The following PHLDB2 variants were observed in gnomAD, a reference collection of about 807,000 sequenced individuals.
The protein encoded by PHLDB2 is pleckstrin homology like domain family B member 2.
Under a neutral mutation model 123.6 loss-of-function variants are expected in PHLDB2, and 71 were observed. That is an observed-to-expected ratio of 0.57 (90% CI 0.47 to 0.70). The LOEUF is 0.70. Among genes scored for constraint, PHLDB2 ranks in the 30% least tolerant of loss-of-function variants. The probability of loss-of-function intolerance (pLI) is 0.00; values close to 1 mark genes in which losing one functional copy is unlikely to be tolerated. For missense variants in PHLDB2, 1,446 were observed against 1,519.5 expected, an observed-to-expected ratio of 0.95 and a Z score of 0.80; for synonymous variants, 547 against 541.6, an observed-to-expected ratio of 1.01 and a Z score of -0.14.
intron 1 of PHLDB2, among the ~76,000 whole-genome samples, chr3:111,734,813 G>A (rs6771062): frequency 0.05 from 7,592 of 152,274 alleles, 288 homozygotes; most frequent in Non-Finnish European, 0.078. Flanking sequence ...AGCATAAATT[G>A]GAGGGTCACT....
intron 12 of PHLDB2, chr3:111,958,738 A>G: frequency 2.2e-6 from 1 of 455,936 alleles, no homozygotes; most frequent in Non-Finnish European, 4.4e-6. Context: ...TTACTGTTTT[A>G]GTTGCTTTCC....
intron 2 of PHLDB2, among the ~76,000 whole-genome samples, chr3:111,897,666 A>T (rs548598324): frequency 1.3e-5 from 2 of 152,244 alleles, no homozygotes; most frequent in Admixed American, 1.3e-4. Context: ...AAGAGGAACA[A>T]ATTTCTCATA....
intron 1 of PHLDB2, among the ~76,000 whole-genome samples, chr3:111,734,405 C>G (rs1025389979): frequency 2.0e-5 from 3 of 152,112 alleles, no homozygotes; most frequent in African/African-American, 7.2e-5. Context: ...AAGTGAGCCT[C>G]TGTCTCTACA....
chr3:111,919,945 A>AGAAT (rs1440536284), intron 4 of PHLDB2, among the ~76,000 whole-genome samples: 1 of 151,624 alleles, frequency 6.6e-6, no homozygotes, highest in African/African-American at 2.4e-5. Context: ...CTAGGGACAA[A>AGAAT]GAAAGACGTG....
chr3:111,829,621 G>A (rs538573976), intron 1 of PHLDB2, among the ~76,000 whole-genome samples: 5 of 151,536 alleles, frequency 3.3e-5, no homozygotes, highest in South Asian at 2.1e-4. Context: ...ATGCCACCAC[G>A]CCCAGCTAAT....
Position 111,887,627 on chromosome 3 carries a change from AT to A in PHLDB2, c.1335+2216del, listed in dbSNP as rs140879957. Among the ~76,000 whole-genome samples the A allele has an allele frequency of 9.3e-4, 141 of 152,330 alleles. 1 individual carries two copies. Among genetic ancestry groups the A allele is most frequent in the African/African-American group, 3.3e-3 (139 of 41,584 alleles). ...GCCAAAGGGTTTTCCCCCTGAAAAAATAAAACATTAAAAATAATACTAGTAA... is the reference window on the plus strand; with the variant it reads ...GCCAAAGGGTTTTCCCCCTGAAAAAAAAAACATTAAAAATAATACTAGTAA... On this transcript the variant is annotated intron_variant, in intron 2 of 17. Transcript: ENST00000431670.
chr3:111,829,867 GTTTTTTTTA>G (rs1235886107), intron 1 of PHLDB2, among the ~76,000 whole-genome samples: 1 of 144,136 alleles, frequency 6.9e-6, no homozygotes, highest in Non-Finnish European at 1.5e-5. Context: ...ACTTTTTTTT[GTTTTTTTTA>G]TTTCATATCA....
intron 2 of PHLDB2, among the ~76,000 whole-genome samples, chr3:111,910,919 T>C (rs2107495789): frequency 6.6e-6 from 1 of 152,354 alleles, no homozygotes; most frequent in South Asian, 2.1e-4. Context: ...CAGTGCTGCA[T>C]GTGTCAGTGA....
At chr3:111,899,439 C>G (rs1229345189) in intron 2 of PHLDB2, among the ~76,000 whole-genome samples, 1 of 152,070 alleles carries the variant, frequency 6.6e-6, no homozygotes, top group Admixed American at 6.6e-5. Context: ...TTCCCCCAAG[C>G]AGTAATATTT....
intron 1 of PHLDB2, among the ~76,000 whole-genome samples, chr3:111,759,873 A>G (rs2059964534): frequency 6.6e-6 from 1 of 152,206 alleles, no homozygotes; most frequent in African/African-American, 2.4e-5. Context: ...GTGACAATCA[A>G]GAGTTCGTTG....
Position 111,839,276 on chromosome 3 carries a change from A to G in PHLDB2, c.-48-6545A>G, listed in dbSNP as rs565342782. On this transcript the variant is annotated intron_variant, in intron 1 of 17. Coordinates refer to the PHLDB2 transcript ENST00000393923. ...TAGATTGCATTCTATAAAGAATATT[A>G]TTGGGATAATTAACTAACTTGAACA... Among the ~76,000 whole-genome samples, 8 of 152,322 alleles carry G rather than the reference A, an allele frequency of 5.3e-5. No homozygotes were observed. The South Asian group carries it at 1.7e-3, about 32-fold the overall frequency.
intron 13 of PHLDB2, 74 bp downstream of exon 13, chr3:111,962,386 T>C (rs556931728): frequency 6.8e-7 from 1 of 1,461,188 alleles, no homozygotes; most frequent in South Asian, 1.3e-5. Flanking sequence ...AGCCATCAAT[T>C]TGGGAACTGT....
chr3:111,944,830 G>A (rs953313080), intron 8 of PHLDB2, among the ~76,000 whole-genome samples: 6 of 151,880 alleles, frequency 4.0e-5, no homozygotes, highest in African/African-American at 1.5e-4. Context: ...CTGCCACCAC[G>A]CCTGGCTAAT....
chr3:111,809,052 T>A (rs2061719575), intron 1 of PHLDB2, among the ~76,000 whole-genome samples: 1 of 152,232 alleles, frequency 6.6e-6, no homozygotes, highest in Non-Finnish European at 1.5e-5. Flanking sequence ...CAGAAGGAAC[T>A]GACTGCTGTC....
chr3:111,820,232 A>G (rs1019390812), intron 1 of PHLDB2, among the ~76,000 whole-genome samples: 2 of 152,214 alleles, frequency 1.3e-5, no homozygotes, highest in Non-Finnish European at 2.9e-5. Flanking sequence ...ATTGACAGAG[A>G]TGGTCTAGAG....
intron 1 of PHLDB2, among the ~76,000 whole-genome samples, chr3:111,839,135 G>A (rs2063552709): frequency 6.6e-6 from 1 of 152,254 alleles, no homozygotes; most frequent in Non-Finnish European, 1.5e-5. Flanking sequence ...CTGAGAGGGT[G>A]CAAGTGAGGA....
At chr3:111,784,716 T>C (rs1481518621) in intron 1 of PHLDB2, among the ~76,000 whole-genome samples, 1 of 152,148 alleles carries the variant, frequency 6.6e-6, no homozygotes, top group African/African-American at 2.4e-5. Flanking sequence ...AGCACACATA[T>C]GCAATATACA....
intron 2 of PHLDB2, chr3:111,911,725 G>A (rs1261390096): frequency 1.3e-6 from 2 of 1,535,630 alleles, no homozygotes; most frequent in Admixed American, 3.9e-5. Flanking sequence ...TGAAAGGGAG[G>A]TGCGAGCTTG....
At chr3:111,960,881 C>G (rs764800602) in intron 12 of PHLDB2, among the ~76,000 whole-genome samples, 39 of 152,260 alleles carry the variant, frequency 2.6e-4, no homozygotes, top group Non-Finnish European at 5.3e-4. Context: ...ATTTGTTAAT[C>G]AATATGATGC....
Sources: gnomAD v4.1 joint callset for allele counts (sites outside exome capture counted in the v4.1 genomes callset) on GRCh38, gnomAD v4.1.1 for gene constraint, MANE v1.5 for transcripts, NCBI Gene and HGNC (gene_info 2026-07-23, HGNC 2026-07-21) for gene names.